Variants in CNTNAP2 observed in about 807,000 individuals in gnomAD.
The protein encoded by CNTNAP2 is contactin-associated protein-like 2.
CNTNAP2 carries 98 observed loss-of-function variants against 155.2 expected under a neutral mutation model. The ratio of observed to expected loss-of-function variants is 0.63; its 90% CI spans 0.54 to 0.75. The LOEUF (loss-of-function observed/expected upper bound fraction) is 0.75, where lower values mean the gene tolerates loss of function less well. Ranked by LOEUF, CNTNAP2 falls within the 30% of genes least tolerant of loss-of-function variation. The pLI is 0.00. For synonymous variants in CNTNAP2, 651 were observed against 631.2 expected, an observed-to-expected ratio of 1.03 and a Z score of -0.47; for missense variants, 1,727 against 1,688.1, an observed-to-expected ratio of 1.02 and a Z score of -0.40.
In CNTNAP2 at chr7:146,163,517, C is replaced by CTATATATATATCTATATATATCTA. The variant is rs71525927; in HGVS notation, c.97+46553_97+46554insATCTATATATATCTATATATATAT. On this transcript the variant is annotated intron_variant, in intron 1 of 23. Coordinates refer to ENST00000361727, the MANE Select transcript of CNTNAP2 (RefSeq NM_014141.6). Reference sequence around the variant, plus strand: ...TCTATATCTATATATCTATATATATCTATATATATCTATATATATCTATAT... The same window carrying CTATATATATATCTATATATATCTA: ...TCTATATCTATATATCTATATATATCTATATATATATCTATATATATCTATATATATATCTATATATATCTATAT... Among the ~76,000 whole-genome samples, 23 of 145,076 alleles carry CTATATATATATCTATATATATCTA rather than the reference C, an allele frequency of 1.6e-4. No homozygotes were observed. The East Asian group carries it at 2.6e-3, about 16-fold the overall frequency.
intron 8 of CNTNAP2, among the ~76,000 whole-genome samples, chr7:147,264,999 C>A (rs968063101): frequency 2.0e-5 from 3 of 151,914 alleles, no homozygotes; most frequent in Admixed American, 2.0e-4. Context: ...CTTGAGAAGG[C>A]AAGTCTTGAT....
chr7:147,958,455 A>G (rs1187143666), intron 14 of CNTNAP2, among the ~76,000 whole-genome samples: 2 of 152,194 alleles, frequency 1.3e-5, no homozygotes, highest in African/African-American at 2.4e-5. Context: ...AAAAATCTCT[A>G]GGACATCAAG....
intron 9 of CNTNAP2, among the ~76,000 whole-genome samples, chr7:147,359,215 C>T (rs1041364605): frequency 2.0e-5 from 3 of 152,014 alleles, no homozygotes; most frequent in African/African-American, 2.4e-5. Context: ...TGTAAATGGC[C>T]GCTCTATTCC....
intron 3 of CNTNAP2, among the ~76,000 whole-genome samples, chr7:146,895,115 C>G (rs965549274): frequency 6.6e-6 from 1 of 152,024 alleles, no homozygotes; most frequent in African/African-American, 2.4e-5. Flanking sequence ...TAAACCTGTA[C>G]GTTTAGCTTA....
At chr7:146,698,361 C>A (rs1800819135) in intron 1 of CNTNAP2, among the ~76,000 whole-genome samples, 1 of 152,048 alleles carries the variant, frequency 6.6e-6, no homozygotes. Context: ...AATATTACTT[C>A]AAGTTTCATT....
At chr7:147,975,248 G>A (rs1323784626) in intron 14 of CNTNAP2, among the ~76,000 whole-genome samples, 1 of 152,042 alleles carries the variant, frequency 6.6e-6, no homozygotes, top group Non-Finnish European at 1.5e-5. Context: ...GTCAAGAACA[G>A]GCAAAGCTCA....
At position 146,474,413 on chromosome 7, in the gene CNTNAP2, A is replaced by T. The variant is rs1453632864; in HGVS notation, c.98-299858A>T. Among the ~76,000 whole-genome samples, 6 of 144,304 alleles carry T rather than the reference A, an allele frequency of 4.2e-5. No individual in the cohort carries two copies. The East Asian group carries it at 1.0e-3, about 24-fold the overall frequency. The allele number at this position is 144,304 out of a possible 152,430, so 94.7% of individuals were successfully genotyped here. ...CTTCTTATTTTATTTATTTATTTGT[A>T]TTTTTTTTTTTTACCATGGTCTACC... On this transcript the variant is annotated intron_variant, in intron 1 of 23. Coordinates refer to ENST00000361727, the MANE Select transcript of CNTNAP2 (RefSeq NM_014141.6).
At chr7:147,466,914 C>T (rs1283652912) in intron 10 of CNTNAP2, among the ~76,000 whole-genome samples, 1 of 152,042 alleles carries the variant, frequency 6.6e-6, no homozygotes, top group Non-Finnish European at 1.5e-5. Context: ...AGTGAAACTC[C>T]ATCTCAAAAA....
Position 147,249,813 on chromosome 7 carries a change from TC to T in CNTNAP2, c.1349-50326del, listed in dbSNP as rs761393291. The stretch of plus-strand genomic sequence containing the variant: ...TTAGTCAATTGCTTCCTACCAAAGT[TC>T]CGTGCTCTTTGCTGGAGGCTCCGTT... On this transcript the variant is annotated intron_variant, in intron 8 of 23. Transcript: ENST00000361727. Among the ~76,000 whole-genome samples, 100 of 152,234 alleles carry T rather than the reference TC, an allele frequency of 6.6e-4. 2 individuals are homozygous for T. Among genetic ancestry groups the T allele is most frequent in the Middle Eastern group, 3.4e-3 (1 of 294 alleles).
intron 9 of CNTNAP2, among the ~76,000 whole-genome samples, chr7:147,366,454 T>C (rs56801442): frequency 0.02 from 2,989 of 152,144 alleles, 98 homozygotes; most frequent in African/African-American, 0.069. Context: ...CTGCCTTCTT[T>C]GTATTACCTT....
At chr7:147,396,572 G>T (rs541064100) in intron 10 of CNTNAP2, among the ~76,000 whole-genome samples, 1 of 151,822 alleles carries the variant, frequency 6.6e-6, no homozygotes, top group Non-Finnish European at 1.5e-5. Flanking sequence ...AACTTTAATT[G>T]TATTCTCACA....
At chr7:147,691,968 A>T (rs1046433181) in intron 13 of CNTNAP2, among the ~76,000 whole-genome samples, 2 of 152,130 alleles carry the variant, frequency 1.3e-5, no homozygotes, top group African/African-American at 4.8e-5. Context: ...CTACTGTAGT[A>T]TCACACAGAA....
chr7:146,222,541 A>AGTGT (rs10616515), intron 1 of CNTNAP2, among the ~76,000 whole-genome samples: 1,521 of 147,356 alleles, frequency 0.01, 24 homozygotes, highest in African/African-American at 0.033. Context: ...ACTAAAGCAT[A>AGTGT]GTGTGTGTGT....
At chr7:146,728,022 C>T (rs907219039) in intron 1 of CNTNAP2, among the ~76,000 whole-genome samples, 8 of 152,002 alleles carry the variant, frequency 5.3e-5, no homozygotes, top group Non-Finnish European at 7.3e-5. Flanking sequence ...ATGGCTAAAC[C>T]GACGATTTCA....
intron 3 of CNTNAP2, among the ~76,000 whole-genome samples, chr7:146,904,307 C>T (rs1029506248): frequency 2.0e-5 from 3 of 152,098 alleles, no homozygotes; most frequent in African/African-American, 7.2e-5. Flanking sequence ...ATAGAACATC[C>T]CTGAAGACCC....
At chr7:147,651,899 C>A (rs1317078621) in intron 13 of CNTNAP2, among the ~76,000 whole-genome samples, 1 of 152,186 alleles carries the variant, frequency 6.6e-6, no homozygotes, top group Non-Finnish European at 1.5e-5. Context: ...CTTTCTACAA[C>A]CTTCGGAAAG....
chr7:146,234,544 G>C (rs802573), intron 1 of CNTNAP2, among the ~76,000 whole-genome samples: 2 of 149,296 alleles, frequency 1.3e-5, no homozygotes, highest in Non-Finnish European at 3.0e-5. Flanking sequence ...GCCCATGCCT[G>C]TGTCCTGAAT....
In CNTNAP2 at chr7:146,314,131, A is replaced by G. The variant is rs543877697; in HGVS notation, c.97+197158A>G. 2.1e-3 allele frequency among the ~76,000 whole-genome samples: 325 copies of G among 152,292 alleles called. 3 individuals are homozygous for G. Among genetic ancestry groups the G allele is most frequent in the African/African-American group, 7.0e-3 (293 of 41,564 alleles). On this transcript the variant is annotated intron_variant, in intron 1 of 23. Coordinates refer to ENST00000361727, the MANE Select transcript of CNTNAP2 (RefSeq NM_014141.6). ...TGTTGAATAAAATCCGTCATTTCCT[A>G]TTATGTATTCTTGTCACCTTTGAAA...
At chr7:148,233,308 A>G (rs1795994011) in intron 20 of CNTNAP2, among the ~76,000 whole-genome samples, 1 of 151,988 alleles carries the variant, frequency 6.6e-6, no homozygotes, top group African/African-American at 2.4e-5. Context: ...CTTCCCAACC[A>G]CATTGCACAA....
Sources: allele counts gnomAD v4.1 joint callset (sites outside exome capture counted in the v4.1 genomes callset), GRCh38; gene constraint gnomAD v4.1.1; transcripts MANE v1.5; gene names NCBI Gene and HGNC (gene_info 2026-07-23, HGNC 2026-07-21).